REXO5: variants seen among roughly 807,000 people sequenced by gnomAD.
REXO5 encodes the protein exonuclease NEF-sp.
REXO5 carries 48 observed loss-of-function variants against 88.5 expected under a neutral mutation model. The ratio of observed to expected loss-of-function variants is 0.54; its 90% CI spans 0.43 to 0.69. The LOEUF (loss-of-function observed/expected upper bound fraction) is 0.69, where lower values mean the gene tolerates loss of function less well. Among genes scored for constraint, REXO5 ranks in the 30% least tolerant of loss-of-function variants. The probability of loss-of-function intolerance (pLI) is 0.00; values close to 1 mark genes in which losing one functional copy is unlikely to be tolerated. For missense variants in REXO5, 749 were observed against 912.2 expected (o/e 0.82, Z 2.30); for synonymous variants, 311 against 336.5 (o/e 0.92, Z 0.83).
At position 20,844,071 on chromosome 16, in the gene REXO5, C is replaced by T. The variant is rs773555744; in HGVS notation, c.1719+45C>T. ...CCCCCTTTGCTTGGGTCTGGCCTAC[C>T]ACAGCCTGTATTTATAGTGCCCCAG... On this transcript the variant is annotated intron_variant, in intron 16 of 19. Coordinates refer to ENST00000261377, the MANE Select transcript of REXO5 (RefSeq NM_030941.3). 6.8e-6 allele frequency: 8 copies of T among 1,172,456 alleles called. No individual in the cohort carries two copies. In the Admixed American group the frequency reaches 1.0e-4, roughly 15 times the overall value. 72.6% of individuals were successfully genotyped at this position (1,172,456 alleles called of 1,614,324 possible). A position where few individuals can be genotyped will look rare whatever the true frequency, so the allele number is the denominator to read the frequency against.
Position 20,827,086 on chromosome 16 carries a change from A to C in REXO5, c.850A>C (p.Asn284His), listed in dbSNP as rs146088378. Residue 284 changes from asparagine (N) to histidine (H), a missense_variant, in exon 9 of 20, where the codon AAC (asparagine) becomes CAC (histidine). Transcript: ENST00000261377. ...SFSGITKKILNPVTTKLKDVQ... is the reference protein window; with the variant it reads ...SFSGITKKILHPVTTKLKDVQ... ...TTCGGGAATCACGAAGAAGATTCTT[A>C]ACCCAGTGACGACCAAACTCAAAGA... The C allele has an allele frequency of 1.9e-6, 3 of 1,614,076 alleles. No individual in the cohort carries two copies. Among genetic ancestry groups the C allele is most frequent in the Non-Finnish European group, 2.5e-6 (3 of 1,179,964 alleles).
chr16:20,809,425 A>G (rs975694218), intron 2 of REXO5, among the ~76,000 whole-genome samples: 6 of 152,238 alleles, frequency 3.9e-5, no homozygotes, highest in African/African-American at 1.4e-4. Flanking sequence ...AATTGTGTTA[A>G]ATTTAATTGT....
In REXO5 at chr16:20,845,235, C is replaced by T; in HGVS notation, c.2118C>T (p.Ala706=). The T allele has an allele frequency of 6.2e-7, 1 of 1,612,288 alleles. No individual in the cohort carries two copies. The highest frequency in any genetic ancestry group is 8.5e-7 in the Non-Finnish European group (1 of 1,179,302). ...TACCTCCCCCCTTTGAACAGGAGGC[C>T]TTGCAGGTGAGTGAGTGAAGGCGTC... ...RVVPPPFEQE[A]LQTLKLDHPK... Residue 706 remains alanine, a synonymous_variant, in exon 18 of 20, where the codon GCC becomes GCT. Coordinates refer to ENST00000261377, the MANE Select transcript of REXO5 (RefSeq NM_030941.3).
chr16:20,816,279 T>C, intron 5 of REXO5, 67 bp downstream of exon 5: 8 of 1,337,410 alleles, frequency 6.0e-6, no homozygotes, highest in Non-Finnish European at 8.4e-6. Flanking sequence ...TGTAAGTAGG[T>C]TTAGCACAAC....
At position 20,849,564 on chromosome 16, in the gene REXO5, C is replaced by A; in HGVS notation, c.*84C>A. 8.2e-7 allele frequency: 1 copy of A among 1,215,522 alleles called. No homozygotes were observed. Among genetic ancestry groups the A allele is most frequent in the Non-Finnish European group, 1.2e-6 (1 of 823,836 alleles). The allele number at this position is 1,215,522 out of a possible 1,614,324, so 75.3% of individuals were successfully genotyped here. On this transcript the variant is annotated 3_prime_UTR_variant, in exon 20 of 20. Coordinates refer to ENST00000261377, the MANE Select transcript of REXO5 (RefSeq NM_030941.3). ...TGTGGTCAGGCTGTAGCCTCCCCAA[C>A]CAGCAGACAGCTTTATGGAAACTTG...
chr16:20,825,527 C>G (rs1427361990), intron 7 of REXO5: 1 of 218,136 alleles, frequency 4.6e-6, no homozygotes, highest in African/African-American at 2.3e-5. Context: ...TAAAAATTAC[C>G]TATTAGTGGT....
chr16:20,825,042 A>T (rs1338968904), intron 7 of REXO5, among the ~76,000 whole-genome samples: 1 of 152,114 alleles, frequency 6.6e-6, no homozygotes, highest in Middle Eastern at 3.4e-3. Flanking sequence ...ACTAGTTACT[A>T]TGTTTAATCA....
intron 5 of REXO5, among the ~76,000 whole-genome samples, chr16:20,817,941 G>A (rs753644587): frequency 7.2e-5 from 11 of 152,050 alleles, no homozygotes; most frequent in South Asian, 2.1e-4. Context: ...AGCTAAATGC[G>A]TTTTTCTCAT....
chr16:20,816,284 CA>C, intron 5 of REXO5, 72 bp downstream of exon 5: 9 of 1,258,770 alleles, frequency 7.1e-6, no homozygotes, highest in Non-Finnish European at 9.0e-6. Context: ...GTAGGTTTAG[CA>C]CAACAAAACT....
At chr16:20,818,259 C>T (rs1321374860) in intron 5 of REXO5, among the ~76,000 whole-genome samples, 2 of 152,132 alleles carry the variant, frequency 1.3e-5, no homozygotes, top group Admixed American at 6.5e-5. Context: ...ATCCATATTT[C>T]CAACTATAAG....
chr16:20,842,608 C>A (rs2152512123), intron 15 of REXO5, among the ~76,000 whole-genome samples: 1 of 151,946 alleles, frequency 6.6e-6, no homozygotes, highest in East Asian at 1.9e-4. Flanking sequence ...CTGCTGGGAC[C>A]ACAGGCATGC....
chr16:20,849,410 C>T lies in REXO5; in HGVS notation c.2255C>T (p.Ser752Leu). 3.7e-6 allele frequency: 6 copies of T among 1,613,852 alleles called. No individual in the cohort carries two copies. In the South Asian group the frequency reaches 6.6e-5, roughly 18 times the overall value. The change falls in exon 20 of 20, where the codon TCA becomes TTA. Residue 752 changes from serine to leucine, a missense_variant. Physicochemically the swap from Ser to Leu is moderately radical, Grantham distance 145. Transcript: ENST00000261377. ...CTTATTTATTGCAGCACTCATGGTT[C>T]ACTCTCTGGTCTAGGACTGATGGGA... The part of the protein sequence containing the change: ...LLPGTKSTHG[S>L]LSGLGLMGIK...
At chr16:20,816,317 C>T (rs1049055937) in intron 5 of REXO5, 105 bp downstream of exon 5, 23 of 899,204 alleles carry the variant, frequency 2.6e-5, no homozygotes, top group Admixed American at 2.0e-4. Flanking sequence ...AGCTTAAGCA[C>T]AAAAACAATT....
Position 20,840,373 on chromosome 16 carries a change from C to T in REXO5, c.1531C>T (p.Pro511Ser). ...WTEISTVYAG[P>S]FSKNCNLRAL... ...AGAGATATCAACTGTCTATGCTGGG[C>T]CATTTAGCAAAAATTGCAATCTCAG... Residue 511 changes from proline (P) to serine (S), a missense_variant, in exon 15 of 20, where the codon CCA becomes TCA. Transcript: ENST00000261377. 6.3e-7 allele frequency: 1 copy of T among 1,583,536 alleles called. No individual in the cohort carries two copies. Among genetic ancestry groups the T allele is most frequent in the South Asian group, 1.2e-5 (1 of 86,818 alleles).
intron 15 of REXO5, among the ~76,000 whole-genome samples, chr16:20,841,866 G>A (rs1172207212): frequency 1.3e-5 from 2 of 152,144 alleles, no homozygotes; most frequent in Non-Finnish European, 2.9e-5. Context: ...AAAGTGCTGG[G>A]ATTACAGGCA....
chr16:20,840,429 C>T lies in REXO5; in HGVS notation c.1587C>T (p.Gly529=). The T allele has an allele frequency of 6.4e-7, 1 of 1,569,294 alleles. No homozygotes were observed. The highest frequency in any genetic ancestry group is 8.7e-7 in the Non-Finnish European group (1 of 1,147,852). Residue 529 remains glycine, a synonymous_variant, in exon 15 of 20, where the codon GGC becomes GGT. Coordinates refer to ENST00000261377, the MANE Select transcript of REXO5 (RefSeq NM_030941.3). ...RALKRLFKSF[G]PVQSMTFVLE... ...TGAAGAGGCTGTTTAAAAGCTTTGG[C>T]CCAGTCCAGTCAATGACTTTTGTTC...
chr16:20,839,776 GA>G lies in REXO5; in HGVS notation c.1408del (p.Ile470SerfsTer24). On this transcript the variant is annotated frameshift_variant, in exon 14 of 20. Transcript: ENST00000261377. LOFTEE classifies it high-confidence loss of function. Reference sequence around the variant, plus strand: ...ACAGGTTCTTGAGCAGGCCAGAGTGGAAATCCCCCTGTTTCCCTTCAGCATT... The same window carrying G: ...ACAGGTTCTTGAGCAGGCCAGAGTGGAATCCCCCTGTTTCCCTTCAGCATT... ...NKEVLEQARV[E>X]IPLFPFSIVQ... 1 of 1,613,884 alleles carries G rather than the reference GA, an allele frequency of 6.2e-7. No homozygotes were observed. Among genetic ancestry groups the G allele is most frequent in the Non-Finnish European group, 8.5e-7 (1 of 1,179,828 alleles).
chr16:20,847,868 T>C (rs1417528058), intron 19 of REXO5, among the ~76,000 whole-genome samples: 1 of 152,220 alleles, frequency 6.6e-6, no homozygotes, highest in Non-Finnish European at 1.5e-5. Flanking sequence ...CAGTCCACCA[T>C]TGTTTAGGTA....
At position 20,839,827 on chromosome 16, in the gene REXO5, T is replaced by C. The variant is rs774665199; in HGVS notation, c.1456T>C (p.Ser486Pro). The stretch of plus-strand genomic sequence containing the variant: ...TGTTCAGTTCTCTTTTAAGGCCTTT[T>C]CACCTGTCCTCACTGAGGAGATGAA... ...SIVQFSFKAF[S>P]PVLTEEMNKR... is the part of the protein sequence containing the mutation. The change falls in exon 14 of 20, where the codon TCA becomes CCA. Residue 486 changes from serine to proline, a missense_variant. By Grantham distance (74) the Ser-to-Pro change is moderately conservative (BLOSUM62 -1). Transcript: ENST00000261377. 9.3e-6 allele frequency: 15 copies of C among 1,613,370 alleles called. No individual in the cohort carries two copies. Among genetic ancestry groups the C allele is most frequent in the Non-Finnish European group, 1.3e-5 (15 of 1,179,370 alleles).
Sources: allele counts gnomAD v4.1 joint callset (sites outside exome capture counted in the v4.1 genomes callset), GRCh38; gene constraint gnomAD v4.1.1; transcripts MANE v1.5; gene names NCBI Gene and HGNC (gene_info 2026-07-23, HGNC 2026-07-21).